Variants in RYR2 observed in about 807,000 individuals in gnomAD.
RYR2 encodes the protein cardiac muscle ryanodine receptor-calcium release channel.
A neutral mutation model predicts 601.1 loss-of-function variants in RYR2; 227 were observed. The ratio of observed to expected loss-of-function variants is 0.38; its 90% CI spans 0.34 to 0.42. The LOEUF is 0.42. Ranked by LOEUF, RYR2 falls within the 10% of genes least tolerant of loss-of-function variation. RYR2 has a pLI of 1.00. For synonymous variants in RYR2, 2,223 were observed against 2,175.1 expected, an observed-to-expected ratio of 1.02 and a Z score of -0.61; for missense variants, 4,646 against 6,156.5, an observed-to-expected ratio of 0.75 and a Z score of 8.21.
intron 1 of RYR2, among the ~76,000 whole-genome samples, chr1:237,101,435 T>A (rs1259985881): frequency 6.6e-6 from 1 of 152,064 alleles, no homozygotes; most frequent in Non-Finnish European, 1.5e-5. Flanking sequence ...ACATTCTTCA[T>A]CTGTATTTAT....
chr1:237,649,417 T>G (rs1411683842), intron 49 of RYR2, among the ~76,000 whole-genome samples: 2 of 152,174 alleles, frequency 1.3e-5, no homozygotes, highest in Non-Finnish European at 2.9e-5. Flanking sequence ...ATAGTAGTAA[T>G]ACAGTTATCC....
chr1:237,174,516 C>A (rs2148921017), intron 1 of RYR2, among the ~76,000 whole-genome samples: 1 of 152,272 alleles, frequency 6.6e-6, no homozygotes, highest in Admixed American at 6.5e-5. Flanking sequence ...TCCTCCCTCA[C>A]TGTTCACCCA....
At chr1:237,813,638 G>A (rs751039322) in intron 100 of RYR2, among the ~76,000 whole-genome samples, 1 of 152,154 alleles carries the variant, frequency 6.6e-6, no homozygotes. Flanking sequence ...GCCTTCACCT[G>A]GTTGATTTTG....
chr1:237,805,335 C>T (rs1660495534), intron 98 of RYR2, among the ~76,000 whole-genome samples: 1 of 152,088 alleles, frequency 6.6e-6, no homozygotes. Flanking sequence ...AATCCCAGCA[C>T]TTTGGGAGGC....
intron 1 of RYR2, among the ~76,000 whole-genome samples, chr1:237,090,819 CA>C (rs1316566976): frequency 3.3e-5 from 5 of 152,080 alleles, no homozygotes; most frequent in Non-Finnish European, 7.3e-5. Flanking sequence ...TTTACTGGGC[CA>C]AGGGTTTCAA....
chr1:237,646,864 C>A (rs529572552), intron 48 of RYR2, among the ~76,000 whole-genome samples: 1 of 152,294 alleles, frequency 6.6e-6, no homozygotes, highest in South Asian at 2.1e-4. Flanking sequence ...GCTCTGTTGT[C>A]TCCAGTGTGT....
chr1:237,278,276 A>T (rs1469901413), intron 2 of RYR2, among the ~76,000 whole-genome samples: 2 of 84,480 alleles, frequency 2.4e-5, no homozygotes, highest in African/African-American at 4.3e-5. Context: ...TTTTTTGTAG[A>T]GATAGGGTTT....
chr1:237,393,493 T>C (rs2149880949), intron 10 of RYR2, among the ~76,000 whole-genome samples: 1 of 152,356 alleles, frequency 6.6e-6, no homozygotes, highest in East Asian at 1.9e-4. Context: ...CACAACTGGA[T>C]GACTGATATC....
intron 6 of RYR2, among the ~76,000 whole-genome samples, chr1:237,372,185 A>G (rs1700695661): frequency 6.6e-6 from 1 of 152,258 alleles, no homozygotes; most frequent in African/African-American, 2.4e-5. Flanking sequence ...GATGAGAAGT[A>G]TAGGAAATAC....
At chr1:237,550,422 G>A (rs1268118942) in intron 26 of RYR2, 122 bp from the exon 27 acceptor site, 14 of 1,057,518 alleles carry the variant, frequency 1.3e-5, no homozygotes, top group African/African-American at 6.4e-5. Context: ...CTGGGAAGAC[G>A]CATGGATTGT....
chr1:237,383,256 ACTC>A (rs1478254890), intron 8 of RYR2, among the ~76,000 whole-genome samples: 2 of 151,334 alleles, frequency 1.3e-5, no homozygotes, highest in Non-Finnish European at 2.9e-5. Flanking sequence ...CAGCTAAAGA[ACTC>A]CTGGAAGGTG....
chr1:237,393,064 A>G (rs1431333498), intron 10 of RYR2, among the ~76,000 whole-genome samples: 1 of 152,176 alleles, frequency 6.6e-6, no homozygotes, highest in Non-Finnish European at 1.5e-5. Flanking sequence ...AAGGAGAAAA[A>G]TAATGCATGG....
chr1:237,192,757 T>G (rs528654643), intron 1 of RYR2, among the ~76,000 whole-genome samples: 94 of 152,328 alleles, frequency 6.2e-4, no homozygotes, highest in Admixed American at 2.1e-3. Flanking sequence ...TAAGTATAGC[T>G]TACTAAGAGC....
chr1:237,387,202 A>T, intron 8 of RYR2, 79 bp from the exon 9 acceptor site: 6 of 1,257,754 alleles, frequency 4.8e-6, no homozygotes, highest in Admixed American at 3.4e-5. Flanking sequence ...AGCAACGTTA[A>T]GTTTGCATTC....
chr1:237,148,519 AAAAAAAAAATAT>A (rs1674269854), intron 1 of RYR2, among the ~76,000 whole-genome samples: 4 of 58,364 alleles, frequency 6.9e-5, no homozygotes, highest in African/African-American at 4.1e-4. Context: ...TTCAAGTAAA[AAAAAAAAAATAT>A]ATATATATAT....
At chr1:237,704,418 A>G (rs1688200924) in intron 66 of RYR2, among the ~76,000 whole-genome samples, 1 of 152,172 alleles carries the variant, frequency 6.6e-6, no homozygotes, top group South Asian at 2.1e-4. Flanking sequence ...ACCATCATGT[A>G]AAGTAATGTA....
chr1:237,219,039 G>A (rs1042033212), intron 1 of RYR2, among the ~76,000 whole-genome samples: 11 of 137,320 alleles, frequency 8.0e-5, no homozygotes, highest in East Asian at 2.1e-4. Flanking sequence ...TTTAGCTGGC[G>A]TCTCACTCTG....
chr1:237,464,628 C>T (rs879756890), intron 16 of RYR2, among the ~76,000 whole-genome samples: 3 of 152,100 alleles, frequency 2.0e-5, no homozygotes, highest in South Asian at 2.1e-4. Flanking sequence ...AGATATTTCC[C>T]CCCCAAATAT....
chr1:237,175,162 G>A (rs1677878997), intron 1 of RYR2, among the ~76,000 whole-genome samples: 2 of 152,206 alleles, frequency 1.3e-5, no homozygotes, highest in African/African-American at 4.8e-5. Context: ...AGTCTCATTA[G>A]CATTATATTT....
Sources: allele counts gnomAD v4.1 joint callset (sites outside exome capture counted in the v4.1 genomes callset), GRCh38; gene constraint gnomAD v4.1.1; transcripts MANE v1.5; gene names NCBI Gene and HGNC (gene_info 2026-07-23, HGNC 2026-07-21).